AGTPBP1: variants seen among roughly 807,000 people sequenced by gnomAD.
The protein encoded by AGTPBP1 is ATP/GTP binding carboxypeptidase 1.
AGTPBP1 carries 70 observed loss-of-function variants against 143.9 expected under a neutral mutation model. The observed-to-expected ratio is 0.49, with a 90% CI of 0.40 to 0.59. AGTPBP1 has a LOEUF of 0.59. Ranked by LOEUF, AGTPBP1 falls within the 20% of genes least tolerant of loss-of-function variation. AGTPBP1 has a pLI of 0.00. For synonymous variants in AGTPBP1, 463 were observed against 500.2 expected, an observed-to-expected ratio of 0.93 and a Z score of 0.99; for missense variants, 1,229 against 1,464.5, an observed-to-expected ratio of 0.84 and a Z score of 2.62.
At chr9:85,570,036 A>C (rs939427505) in intron 25 of AGTPBP1, among the ~76,000 whole-genome samples, 2 of 152,012 alleles carry the variant, frequency 1.3e-5, no homozygotes, top group African/African-American at 4.8e-5. Flanking sequence ...CAAGACCAAG[A>C]CCCCTCTGTT....
chr9:85,648,578 C>T (rs139077701), intron 11 of AGTPBP1, among the ~76,000 whole-genome samples: 2 of 152,204 alleles, frequency 1.3e-5, no homozygotes, highest in Non-Finnish European at 2.9e-5. Flanking sequence ...TCTGGGAGGC[C>T]GAGACGGGCG....
intron 25 of AGTPBP1, among the ~76,000 whole-genome samples, chr9:85,573,126 T>C (rs1446465802): frequency 2.0e-5 from 3 of 150,082 alleles, no homozygotes; most frequent in Non-Finnish European, 4.4e-5. Flanking sequence ...CCTCTCCCTC[T>C]CTTTCCACAG....
chr9:85,801,261 G>A, the AGTPBP1 span, among the ~76,000 whole-genome samples: 7 of 152,254 alleles, frequency 4.6e-5, no homozygotes, highest in East Asian at 7.7e-4. Flanking sequence ...GCAGTGAGCC[G>A]AGACTGCACC....
At chr9:85,745,730 G>A (rs1040718103), upstream of AGTPBP1, among the ~76,000 whole-genome samples, 5 of 152,176 alleles carry the variant, frequency 3.3e-5, no homozygotes, top group South Asian at 2.1e-4. Flanking sequence ...AGGTGTGGTG[G>A]CTCATGCCTG....
At chr9:85,673,336 C>T (rs1380705997) in intron 6 of AGTPBP1, among the ~76,000 whole-genome samples, 1 of 151,974 alleles carries the variant, frequency 6.6e-6, no homozygotes, top group Non-Finnish European at 1.5e-5. Flanking sequence ...TCTAGTTCAA[C>T]ACACTTCCCA....
chr9:85,622,462 T>G (rs1257405096), intron 14 of AGTPBP1, among the ~76,000 whole-genome samples: 1 of 151,740 alleles, frequency 6.6e-6, no homozygotes, highest in Non-Finnish European at 1.5e-5. Flanking sequence ...CTACCCTAAT[T>G]GAAAAATTAA....
chr9:85,651,726 GGTCCAGAAGTCTTGA>G (rs1017991811), intron 11 of AGTPBP1, among the ~76,000 whole-genome samples: 3 of 152,064 alleles, frequency 2.0e-5, no homozygotes, highest in Non-Finnish European at 4.4e-5. Context: ...AACTAATAAA[GGTCCAGAAGTCTTGA>G]GTCAGAACCC....
chr9:85,593,717 G>A (rs946667034), intron 18 of AGTPBP1, among the ~76,000 whole-genome samples: 1 of 152,150 alleles, frequency 6.6e-6, no homozygotes, highest in Non-Finnish European at 1.5e-5. Flanking sequence ...ACCATGTGTT[G>A]ATAATTGTTG....
intron 8 of AGTPBP1, among the ~76,000 whole-genome samples, chr9:85,663,153 A>C (rs186573890): frequency 6.6e-6 from 1 of 152,336 alleles, no homozygotes; most frequent in East Asian, 1.9e-4. Flanking sequence ...AGAATACCAG[A>C]AAATGAAAGC....
intron 6 of AGTPBP1, 36 bp from the exon 7 acceptor site, chr9:85,672,717 C>G (rs777017963): frequency 8.7e-6 from 12 of 1,376,260 alleles, no homozygotes; most frequent in Non-Finnish European, 1.2e-5. Flanking sequence ...TATGCACATA[C>G]AACTTTTCTT....
intron 3 of AGTPBP1, among the ~76,000 whole-genome samples, chr9:85,685,578 A>C (rs2134199431): frequency 1.3e-5 from 2 of 152,162 alleles, no homozygotes; most frequent in East Asian, 3.9e-4. Flanking sequence ...ATTCACTGTC[A>C]GATTAAGAAA....
chr9:85,715,596 A>C (rs1217907593), intron 1 of AGTPBP1, among the ~76,000 whole-genome samples: 1 of 152,190 alleles, frequency 6.6e-6, no homozygotes, highest in Non-Finnish European at 1.5e-5. Flanking sequence ...AACCTCAAAG[A>C]ATTCTGCTTT....
chr9:85,786,560 C>T, the AGTPBP1 span: 44 of 1,613,702 alleles, frequency 2.7e-5, no homozygotes, highest in East Asian at 9.4e-4. Flanking sequence ...ATCTAGAAAA[C>T]CAAGGGACTT....
intron 6 of AGTPBP1, among the ~76,000 whole-genome samples, chr9:85,673,237 G>A (rs1834603623): frequency 1.3e-5 from 2 of 151,864 alleles, no homozygotes; most frequent in South Asian, 2.1e-4. Context: ...CAGACAGGGG[G>A]ATAGGGAAGG....
intron 17 of AGTPBP1, among the ~76,000 whole-genome samples, chr9:85,598,003 A>C (rs1055716074): frequency 6.6e-6 from 1 of 152,236 alleles, no homozygotes; most frequent in African/African-American, 2.4e-5. Flanking sequence ...ATCACTTATT[A>C]GAATAAATAA....
intron 25 of AGTPBP1, among the ~76,000 whole-genome samples, chr9:85,566,655 T>C (rs1185749074): frequency 6.6e-6 from 1 of 151,492 alleles, no homozygotes; most frequent in African/African-American, 2.4e-5. Flanking sequence ...AAGACACATA[T>C]GCATATAGAA....
intron 1 of AGTPBP1, among the ~76,000 whole-genome samples, chr9:85,739,684 G>A (rs921603272): frequency 2.0e-5 from 3 of 150,550 alleles, no homozygotes; most frequent in African/African-American, 7.4e-5. Context: ...CTCCAGCCTG[G>A]GCGACAAGAG....
chr9:85,723,482 G>A lies in AGTPBP1; in HGVS notation c.-33-10916C>T, dbSNP rs571331166. ...ACTAGCTGTGAGCAAGCCTCCATGG[G>A]CGTGAGACCTGCTGAGCCAGGCACA... On this transcript the variant is annotated intron_variant, in intron 1 of 25. Transcript: ENST00000357081. Among the ~76,000 whole-genome samples, 11 of 152,314 alleles carry A rather than the reference G, an allele frequency of 7.2e-5. 1 individual carries two copies. In the South Asian group the frequency reaches 2.3e-3, roughly 32 times the overall value.
rs757300879 is a variant in AGTPBP1 at position 85,662,259 on chromosome 9, G to C, written c.663-1286C>G. ...TGCCCAGTAAGAGGAAGTTCTTAAT[G>C]GCTACACTTTTATTTATTGACAAAG... On this transcript the variant is annotated intron_variant, in intron 8 of 25. Transcript: ENST00000357081. Among the ~76,000 whole-genome samples, 5 of 152,174 alleles carry C rather than the reference G, an allele frequency of 3.3e-5. No individual in the cohort carries two copies. In the South Asian group the frequency reaches 1.0e-3, roughly 32 times the overall value.
Sources: allele counts gnomAD v4.1 joint callset (sites outside exome capture counted in the v4.1 genomes callset), GRCh38; gene constraint gnomAD v4.1.1; transcripts MANE v1.5; gene names NCBI Gene and HGNC (gene_info 2026-07-23, HGNC 2026-07-21).